The following ABI1 variants were observed in gnomAD, a reference collection of about 807,000 sequenced individuals.
The protein encoded by ABI1 is Abelson interactor 1.
A neutral mutation model predicts 54.6 loss-of-function variants in ABI1; 14 were observed. The observed-to-expected ratio is 0.26, with a 90% CI of 0.17 to 0.40. ABI1 has a LOEUF of 0.40. Among genes scored for constraint, ABI1 ranks in the 10% least tolerant of loss-of-function variants. The probability of loss-of-function intolerance (pLI) is 1.00; values close to 1 mark genes in which losing one functional copy is unlikely to be tolerated. For missense variants in ABI1, 443 were observed against 598.3 expected, an observed-to-expected ratio of 0.74 and a Z score of 2.71; for synonymous variants, 194 against 209.3, an observed-to-expected ratio of 0.93 and a Z score of 0.63.
At chr10:26,836,743 T>TG (rs1437004956) in intron 1 of ABI1, among the ~76,000 whole-genome samples, 4 of 152,234 alleles carry the variant, frequency 2.6e-5, no homozygotes, top group African/African-American at 9.6e-5. Context: ...GATACTGAGC[T>TG]GAAGAATTAA....
intron 2 of ABI1, among the ~76,000 whole-genome samples, chr10:26,814,901 T>C (rs1281101579): frequency 6.6e-6 from 1 of 152,150 alleles, no homozygotes; most frequent in Non-Finnish European, 1.5e-5. Context: ...TTTTTGTTTG[T>C]TTTAGTTTAA....
intron 1 of ABI1, among the ~76,000 whole-genome samples, chr10:26,850,167 A>G (rs1352767792): frequency 6.6e-6 from 1 of 152,184 alleles, no homozygotes; most frequent in East Asian, 1.9e-4. Context: ...GTTGCCATTT[A>G]TTTTTCACTG....
intron 1 of ABI1, chr10:26,839,666 A>AT (rs35759617): frequency 0.11 from 68,738 of 627,314 alleles, 2,464 homozygotes; most frequent in African/African-American, 0.23. Context: ...AAAAAAAAAA[A>AT]CATGCCAGGC....
intron 2 of ABI1, among the ~76,000 whole-genome samples, chr10:26,786,189 G>C (rs1842712010): frequency 6.6e-6 from 1 of 151,764 alleles, no homozygotes; most frequent in Non-Finnish European, 1.5e-5. Context: ...AAAACGTAAA[G>C]AGCCCCATTT....
chr10:26,761,617 C>CATATATATATATAT lies in ABI1; in HGVS notation c.821-2393_821-2380dup, dbSNP rs1164854399. Among the ~76,000 whole-genome samples, 35 of 49,828 alleles carry CATATATATATATAT rather than the reference C, an allele frequency of 7.0e-4. 1 individual carries two copies. Among genetic ancestry groups the CATATATATATATAT allele is most frequent in the Non-Finnish European group, 7.7e-4 (22 of 28,494 alleles). 32.7% of individuals were successfully genotyped at this position (49,828 alleles called of 152,430 possible). On this transcript the variant is annotated intron_variant, in intron 7 of 10. Coordinates refer to ENST00000376140, the MANE Select transcript of ABI1 (RefSeq NM_001012750.3). ...TCTTTCTTCTGTAAATAGTTTTTGT[C>CATATATATATATAT]ATATATATATATATATATATATATA...
At chr10:26,751,822 G>T in intron 9 of ABI1, 39 bp from the exon 10 acceptor site, 1 of 1,536,680 alleles carries the variant, frequency 6.5e-7, no homozygotes, top group South Asian at 1.2e-5. Context: ...TCAAAAATAA[G>T]TCTAGATGGA....
intron 2 of ABI1, among the ~76,000 whole-genome samples, chr10:26,821,243 T>A (rs866479758): frequency 2.9e-4 from 33 of 114,902 alleles, no homozygotes; most frequent in East Asian, 7.6e-4. Context: ...AGACTCCATC[T>A]AAAAAAAAAA....
At chr10:26,848,605 CTTTTTTTTT>C (rs35694402) in intron 1 of ABI1, among the ~76,000 whole-genome samples, 1 of 107,386 alleles carries the variant, frequency 9.3e-6, no homozygotes, top group African/African-American at 3.6e-5. Flanking sequence ...TAAGAAGAGG[CTTTTTTTTT>C]TTTTTTTTTT....
intron 1 of ABI1, among the ~76,000 whole-genome samples, chr10:26,833,294 T>C (rs978770419): frequency 4.6e-5 from 7 of 152,202 alleles, no homozygotes; most frequent in African/African-American, 1.7e-4. Flanking sequence ...ATTCCAAGTT[T>C]AACTATAATG....
At chr10:26,757,640 T>A (rs1838484765) in intron 8 of ABI1, among the ~76,000 whole-genome samples, 1 of 152,220 alleles carries the variant, frequency 6.6e-6, no homozygotes, top group African/African-American at 2.4e-5. Flanking sequence ...CACTTCTCAG[T>A]AGCTTTAATA....
Position 26,769,848 on chromosome 10 carries a change from G to A in ABI1, c.578+397C>T, listed in dbSNP as rs575389770. Among the ~76,000 whole-genome samples the A allele has an allele frequency of 1.6e-3, 247 of 152,152 alleles. 2 individuals are homozygous for A. The highest frequency in any genetic ancestry group is 3.1e-4 in the Non-Finnish European group (21 of 68,004). On this transcript the variant is annotated intron_variant, in intron 5 of 10. Coordinates refer to ENST00000376140, the MANE Select transcript of ABI1 (RefSeq NM_001012750.3). ...CCAATAGGCGAAACAGAAGAGCTGTGGACTAAGCCATACTACACAAAAGTA... is the reference window on the plus strand; with the variant it reads ...CCAATAGGCGAAACAGAAGAGCTGTAGACTAAGCCATACTACACAAAAGTA...
At chr10:26,749,346 T>C (rs796519095) in intron 10 of ABI1, among the ~76,000 whole-genome samples, 2 of 152,370 alleles carry the variant, frequency 1.3e-5, no homozygotes, top group African/African-American at 2.4e-5. Flanking sequence ...GTAACCCTTA[T>C]CTGAAATGCC....
At chr10:26,856,627 A>G (rs1232874301) in intron 1 of ABI1, among the ~76,000 whole-genome samples, 1 of 152,206 alleles carries the variant, frequency 6.6e-6, no homozygotes, top group Non-Finnish European at 1.5e-5. Flanking sequence ...AGTAGCTCAC[A>G]GTAACATACT....
At chr10:26,751,134 T>C (rs1180042154) in intron 10 of ABI1, among the ~76,000 whole-genome samples, 1 of 152,184 alleles carries the variant, frequency 6.6e-6, no homozygotes, top group East Asian at 1.9e-4. Flanking sequence ...AGCTCCATCA[T>C]AAGTTGAGAA....
intron 6 of ABI1, among the ~76,000 whole-genome samples, chr10:26,765,879 T>C (rs975463726): frequency 6.6e-6 from 1 of 152,148 alleles, no homozygotes; most frequent in African/African-American, 2.4e-5. Context: ...ACCATCTCTG[T>C]TGAAATATTT....
At chr10:26,791,838 A>T (rs1843510554) in intron 2 of ABI1, among the ~76,000 whole-genome samples, 1 of 152,218 alleles carries the variant, frequency 6.6e-6, no homozygotes, top group South Asian at 2.1e-4. Flanking sequence ...ATAGGAAAAA[A>T]CTAATTCCAG....
chr10:26,806,833 T>C (rs1041957379), intron 2 of ABI1, among the ~76,000 whole-genome samples: 30 of 152,166 alleles, frequency 2.0e-4, no homozygotes, highest in African/African-American at 6.3e-4. Flanking sequence ...CTTAGATACA[T>C]GAGAAAAACA....
intron 7 of ABI1, among the ~76,000 whole-genome samples, chr10:26,760,777 C>A (rs974340551): frequency 7.3e-5 from 11 of 151,266 alleles, no homozygotes; most frequent in Non-Finnish European, 1.2e-4. Context: ...GTAATCCCAG[C>A]TACTCGGGAG....
intron 2 of ABI1, among the ~76,000 whole-genome samples, chr10:26,801,772 T>C (rs1185985003): frequency 1.3e-5 from 2 of 152,234 alleles, no homozygotes; most frequent in African/African-American, 4.8e-5. Context: ...TCCAAAGAGA[T>C]GATGTGATTA....
Sources: gnomAD v4.1 joint callset for allele counts (sites outside exome capture counted in the v4.1 genomes callset) on GRCh38, gnomAD v4.1.1 for gene constraint, MANE v1.5 for transcripts, NCBI Gene and HGNC (gene_info 2026-07-23, HGNC 2026-07-21) for gene names.